The following CEP192 variants were observed in gnomAD, a reference collection of about 807,000 sequenced individuals.
CEP192 encodes centrosomal protein 192, also known as centrosomal protein of 192 kDa.
CEP192 carries 151 observed loss-of-function variants against 271.8 expected under a neutral mutation model. That is an observed-to-expected ratio of 0.56 (90% CI 0.49 to 0.64). CEP192 has a LOEUF of 0.64. Among genes scored for constraint, CEP192 ranks in the 30% least tolerant of loss-of-function variants. The pLI, the probability that CEP192 is intolerant of heterozygous loss-of-function variation, is 0.00. For missense variants in CEP192, 2,910 were observed against 3,020.5 expected, an observed-to-expected ratio of 0.96 and a Z score of 0.86; for synonymous variants, 995 against 1,076.5, an observed-to-expected ratio of 0.92 and a Z score of 1.48.
chr18:13,122,163 C>T (rs1484313541), intron 44 of CEP192, among the ~76,000 whole-genome samples: 2 of 152,196 alleles, frequency 1.3e-5, no homozygotes, highest in African/African-American at 4.8e-5. Context: ...GTGGCTCATG[C>T]CTGTAATCCC....
At position 13,008,563 on chromosome 18, in the gene CEP192, C is replaced by T; in HGVS notation, c.398C>T (p.Ala133Val). The T allele has an allele frequency of 1.3e-6, 2 of 1,551,584 alleles. No individual in the cohort carries two copies. The highest frequency in any genetic ancestry group is 1.7e-6 in the Non-Finnish European group (2 of 1,146,900). ...ACAGCAGGACCAGAAGAGGAGCCAGCCGGAGCTACAGAATCCTTGCAGGGC... is the reference window on the plus strand; with the variant it reads ...ACAGCAGGACCAGAAGAGGAGCCAGTCGGAGCTACAGAATCCTTGCAGGGC... ...METAGPEEEPAGATESLQGQD... is the reference protein window; with the variant it reads ...METAGPEEEPVGATESLQGQD... Residue 133 changes from alanine (A) to valine (V), a missense_variant, in exon 4 of 45, where the codon GCC (alanine) becomes GTC (valine). By Grantham distance (64) the Ala-to-Val change is moderately conservative. Coordinates refer to ENST00000506447, the MANE Select transcript of CEP192 (RefSeq NM_032142.4).
At chr18:12,995,131 G>A (rs2033140650) in intron 1 of CEP192, among the ~76,000 whole-genome samples, 1 of 141,556 alleles carries the variant, frequency 7.1e-6, no homozygotes, top group African/African-American at 2.7e-5. Flanking sequence ...GCGCGATCTC[G>A]GCTCCCTGCA....
At position 13,116,481 on chromosome 18, in the gene CEP192, A is replaced by G. The variant is rs756241623; in HGVS notation, c.7394A>G (p.Asn2465Ser). The G allele has an allele frequency of 4.4e-6, 7 of 1,608,718 alleles. No homozygotes were observed. The highest frequency in any genetic ancestry group is 5.9e-6 in the Non-Finnish European group (7 of 1,178,340). The change falls in exon 43 of 45, where the codon AAT becomes AGT. Residue 2465 changes from asparagine to serine, a missense_variant. Asn to Ser is a conservative substitution (Grantham distance 46). Coordinates refer to ENST00000506447, the MANE Select transcript of CEP192 (RefSeq NM_032142.4). ...ESRTLKVNLRNNSFITHSLKF... is the reference protein window; with the variant it reads ...ESRTLKVNLRSNSFITHSLKF... ...CGGACACTTAAAGTCAATCTGCGAA[A>G]TAATTCTTTTATTACACACTCAGTA...
chr18:13,055,176 G>A (rs1371723960), intron 18 of CEP192, among the ~76,000 whole-genome samples: 1 of 151,992 alleles, frequency 6.6e-6, no homozygotes, highest in South Asian at 2.1e-4. Flanking sequence ...CTACTTGGGA[G>A]GCTGAGGCAG....
intron 15 of CEP192, among the ~76,000 whole-genome samples, chr18:13,046,898 T>G (rs2036514850): frequency 6.6e-6 from 1 of 151,854 alleles, no homozygotes; most frequent in Non-Finnish European, 1.5e-5. Context: ...TACAATGTCT[T>G]TATCTCCCTG....
chr18:13,084,441 T>TA (rs1313287785), intron 30 of CEP192, among the ~76,000 whole-genome samples: 6 of 152,216 alleles, frequency 3.9e-5, no homozygotes, highest in African/African-American at 1.4e-4. Flanking sequence ...AAGCGCGGGA[T>TA]AAAATCTCCT....
intron 17 of CEP192, among the ~76,000 whole-genome samples, chr18:13,050,891 A>G (rs1598452402): frequency 6.6e-6 from 1 of 152,098 alleles, no homozygotes; most frequent in Non-Finnish European, 1.5e-5. Flanking sequence ...GCATATTTTA[A>G]CAGATGTATT....
At chr18:13,077,775 C>T (rs541777614) in intron 30 of CEP192, among the ~76,000 whole-genome samples, 1 of 152,158 alleles carries the variant, frequency 6.6e-6, no homozygotes, top group African/African-American at 2.4e-5. Flanking sequence ...TACAGTTTTC[C>T]CCAAAAACAT....
intron 21 of CEP192, among the ~76,000 whole-genome samples, chr18:13,064,984 AG>A (rs1412386098): frequency 6.6e-6 from 1 of 152,046 alleles, no homozygotes; most frequent in African/African-American, 2.4e-5. Flanking sequence ...TTCATTATAG[AG>A]GTCTTTTACT....
At position 13,067,925 on chromosome 18, in the gene CEP192, C is replaced by T. The variant is rs751026123; in HGVS notation, c.4583C>T (p.Ala1528Val). 1.9e-6 allele frequency: 3 copies of T among 1,612,664 alleles called. No individual in the cohort carries two copies. In the South Asian group the frequency reaches 3.3e-5, roughly 18 times the overall value. Residue 1528 changes from alanine (A) to valine (V), a missense_variant, in exon 22 of 45, where the codon GCC becomes GTC. Coordinates refer to ENST00000506447, the MANE Select transcript of CEP192 (RefSeq NM_032142.4). ...CTAAAATTGATAAACCGAACGCATG[C>T]CACTGTGCCAATTAGACTGATTATT... ...LPLKLINRTHATVPIRLIINA... is the reference protein window; with the variant it reads ...LPLKLINRTHVTVPIRLIINA...
intron 34 of CEP192, among the ~76,000 whole-genome samples, chr18:13,094,843 A>G (rs2039314458): frequency 1.3e-5 from 2 of 152,174 alleles, no homozygotes; most frequent in Admixed American, 1.3e-4. Flanking sequence ...TTCCACATTT[A>G]TACCCTTTTC....
chr18:13,058,385 C>T (rs1286009320), intron 20 of CEP192: 1 of 152,290 alleles, frequency 6.6e-6, no homozygotes, highest in African/African-American at 2.4e-5. Context: ...ACTTGTGAAT[C>T]AGTATTGGTG....
At chr18:13,089,073 G>T (rs1024653626) in intron 32 of CEP192, among the ~76,000 whole-genome samples, 1 of 152,158 alleles carries the variant, frequency 6.6e-6, no homozygotes, top group Non-Finnish European at 1.5e-5. Context: ...GAAGGAGCCA[G>T]ATAAACATAG....
At position 13,056,662 on chromosome 18, in the gene CEP192, A is replaced by G; in HGVS notation, c.4072A>G (p.Ile1358Val). ...GCCGTCTGTTGGTACAAACTGTGGA[A>G]TTGAACCATGGGATTCAGGAGTGAC... Reference protein sequence around the residue: ...PVPSVGTNCGIEPWDSGVTSG... With the variant: ...PVPSVGTNCGVEPWDSGVTSG... The change falls in exon 19 of 45, where the codon ATT (isoleucine) becomes GTT (valine). Residue 1358 changes from isoleucine (I) to valine (V), a missense_variant. Ile to Val is a conservative substitution (Grantham distance 29, BLOSUM62 3). Coordinates refer to ENST00000506447, the MANE Select transcript of CEP192 (RefSeq NM_032142.4). 1 of 1,611,496 alleles carries G rather than the reference A, an allele frequency of 6.2e-7. No homozygotes were observed. Among genetic ancestry groups the G allele is most frequent in the Non-Finnish European group, 8.5e-7 (1 of 1,178,908 alleles).
At chr18:13,005,469 G>A (rs768646745) in intron 3 of CEP192, among the ~76,000 whole-genome samples, 2 of 152,162 alleles carry the variant, frequency 1.3e-5, no homozygotes, top group Non-Finnish European at 2.9e-5. Context: ...TTGCTGTGAG[G>A]AAACTGCAAA....
At chr18:13,055,713 A>G (rs1000777692) in intron 18 of CEP192, 67 bp from the exon 19 acceptor site, 14 of 1,137,066 alleles carry the variant, frequency 1.2e-5, no homozygotes, top group South Asian at 1.6e-5. Flanking sequence ...AGCTTTTGCC[A>G]GCATGTTTCA....
intron 35 of CEP192, 94 bp downstream of exon 35, chr18:13,095,775 C>A: frequency 9.3e-7 from 1 of 1,080,166 alleles, no homozygotes; most frequent in Non-Finnish European, 1.3e-6. Context: ...CACACATGGG[C>A]TCCTGCACAT....
At chr18:13,081,224 C>T (rs1381131922) in intron 30 of CEP192, among the ~76,000 whole-genome samples, 2 of 152,134 alleles carry the variant, frequency 1.3e-5, no homozygotes, top group Admixed American at 6.5e-5. Context: ...GGTACCAGCT[C>T]CTCTTTGTAC....
In CEP192 at chr18:13,105,058, G is replaced by A; in HGVS notation, c.7026G>A (p.Leu2342=). 6.2e-7 allele frequency: 1 copy of A among 1,613,574 alleles called. No homozygotes were observed. Among genetic ancestry groups the A allele is most frequent in the Non-Finnish European group, 8.5e-7 (1 of 1,179,476 alleles). The part of the protein sequence containing the change: ...AFRCSPISGL[L]ESHGIQKVSI... ...GATGTTCTCCTATTTCTGGTCTGCT[G>A]GAAAGCCATGGGATCCAAAAAGTAG... Residue 2342 remains leucine, a synonymous_variant, in exon 40 of 45, where the codon CTG becomes CTA. Transcript: ENST00000506447.
Sources: gnomAD v4.1 joint callset for allele counts (sites outside exome capture counted in the v4.1 genomes callset) on GRCh38, gnomAD v4.1.1 for gene constraint, MANE v1.5 for transcripts, NCBI Gene and HGNC (gene_info 2026-07-23, HGNC 2026-07-21) for gene names.